Variants in INPP4B observed in about 807,000 individuals in gnomAD.
INPP4B encodes the protein inositol polyphosphate 4-phosphatase type II.
Under a neutral mutation model 122.5 loss-of-function variants are expected in INPP4B, and 55 were observed. That is an observed-to-expected ratio of 0.45 (90% CI 0.36 to 0.56). The LOEUF is 0.56. INPP4B is among the 20% of genes least tolerant of loss of function. The pLI, the probability that INPP4B is intolerant of heterozygous loss-of-function variation, is 0.00. For missense variants in INPP4B, 1,000 were observed against 1,097.7 expected (o/e 0.91, Z 1.26); for synonymous variants, 403 against 388.7 (o/e 1.04, Z -0.43).
intron 1 of INPP4B, chr4:142,767,653 G>A (rs1235750031): frequency 6.6e-6 from 1 of 152,136 alleles, no homozygotes; most frequent in African/African-American, 2.4e-5. Context: ...TTTGGCTTGG[G>A]AGAATTCTCT....
At chr4:142,494,995 T>G (rs182847276) in intron 2 of INPP4B, among the ~76,000 whole-genome samples, 101 of 152,272 alleles carry the variant, frequency 6.6e-4, no homozygotes, top group Admixed American at 2.5e-3. Flanking sequence ...TTTTGTCCAG[T>G]TTTGTAGTTT....
chr4:142,413,638 G>T (rs775299380), intron 5 of INPP4B, among the ~76,000 whole-genome samples: 1 of 152,164 alleles, frequency 6.6e-6, no homozygotes, highest in Non-Finnish European at 1.5e-5. Flanking sequence ...ATTGGCCTTA[G>T]ACCCTTTCCT....
intron 25 of INPP4B, among the ~76,000 whole-genome samples, chr4:142,044,323 TA>T (rs1750064945): frequency 6.6e-6 from 1 of 152,060 alleles, no homozygotes; most frequent in South Asian, 2.1e-4. Flanking sequence ...GGGGAATGCT[TA>T]CATTTGTATG....
At chr4:142,420,752 A>G (rs1806701281) in intron 5 of INPP4B, among the ~76,000 whole-genome samples, 1 of 152,098 alleles carries the variant, frequency 6.6e-6, no homozygotes, top group Non-Finnish European at 1.5e-5. Flanking sequence ...AGGTAATGGG[A>G]GGCAACTGTT....
At chr4:142,693,045 C>T (rs1460801316) in intron 2 of INPP4B, among the ~76,000 whole-genome samples, 1 of 151,370 alleles carries the variant, frequency 6.6e-6, no homozygotes, top group South Asian at 2.1e-4. Context: ...AAAAAGGTGC[C>T]ACATGTTCCT....
chr4:142,577,442 C>G (rs555172386), intron 2 of INPP4B, among the ~76,000 whole-genome samples: 2 of 152,126 alleles, frequency 1.3e-5, no homozygotes, highest in South Asian at 4.1e-4. Context: ...GGACAACATA[C>G]AATCACATAA....
intron 23 of INPP4B, chr4:142,095,966 C>A (rs1378098828): frequency 6.6e-6 from 1 of 152,176 alleles, no homozygotes; most frequent in Non-Finnish European, 1.5e-5. Flanking sequence ...TTAATATTAA[C>A]TTCTTTTCCC....
chr4:142,374,667 C>T (rs1017778384), intron 7 of INPP4B, among the ~76,000 whole-genome samples: 4 of 151,850 alleles, frequency 2.6e-5, no homozygotes, highest in Admixed American at 6.6e-5. Context: ...GACTAGACAA[C>T]ACTAATTTCT....
At chr4:142,118,628 T>C (rs1794985514) in intron 21 of INPP4B, among the ~76,000 whole-genome samples, 1 of 152,122 alleles carries the variant, frequency 6.6e-6, no homozygotes, top group African/African-American at 2.4e-5. Flanking sequence ...CCTTACACCT[T>C]ATACAAAAAT....
intron 7 of INPP4B, among the ~76,000 whole-genome samples, chr4:142,326,176 C>T (rs533604752): frequency 4.6e-5 from 7 of 152,274 alleles, no homozygotes; most frequent in East Asian, 3.9e-4. Flanking sequence ...CAGACCCCGT[C>T]GGTTTTCTTG....
rs202096272 is a variant in INPP4B at position 142,110,377 on chromosome 4, G to A, written c.2276+2165C>T. 1.2e-4 allele frequency among the ~76,000 whole-genome samples: 19 copies of A among 152,202 alleles called. No individual in the cohort carries two copies. In the East Asian group the frequency reaches 3.7e-3, roughly 30 times the overall value. On this transcript the variant is annotated intron_variant, in intron 22 of 25. Transcript: ENST00000262992. ...AAATTTCTGTTGTTTAAGCCACCCA[G>A]TCTACAGTATTTTGTTACAGCAGCC...
chr4:142,631,624 C>T (rs1267893243), intron 2 of INPP4B, among the ~76,000 whole-genome samples: 1 of 151,980 alleles, frequency 6.6e-6, no homozygotes, highest in Non-Finnish European at 1.5e-5. Context: ...TAAAAAAAAT[C>T]TACATCTAAA....
chr4:142,033,747 T>TTCTA (rs1252605830), intron 25 of INPP4B, among the ~76,000 whole-genome samples: 1 of 150,092 alleles, frequency 6.7e-6, no homozygotes, highest in Non-Finnish European at 1.5e-5. Context: ...CTACTGCAGC[T>TTCTA]TCTATCTCTC....
At chr4:142,342,201 G>A (rs770509311) in intron 7 of INPP4B, among the ~76,000 whole-genome samples, 3 of 152,114 alleles carry the variant, frequency 2.0e-5, no homozygotes, top group African/African-American at 4.8e-5. Context: ...TTCATGGAAA[G>A]CACTAGGAAA....
At chr4:142,328,279 T>C (rs1475873606) in intron 7 of INPP4B, among the ~76,000 whole-genome samples, 3 of 152,176 alleles carry the variant, frequency 2.0e-5, no homozygotes, top group Non-Finnish European at 4.4e-5. Flanking sequence ...TTTCATTATG[T>C]TGAGAGCTTC....
chr4:142,439,075 T>G (rs181562723), intron 3 of INPP4B, among the ~76,000 whole-genome samples: 1 of 152,266 alleles, frequency 6.6e-6, no homozygotes, highest in Admixed American at 6.5e-5. Context: ...TGTCTGAGCC[T>G]CGAGCCTCCA....
chr4:142,518,028 C>T (rs886900034), intron 2 of INPP4B, among the ~76,000 whole-genome samples: 6 of 152,126 alleles, frequency 3.9e-5, no homozygotes, highest in African/African-American at 1.2e-4. Flanking sequence ...TGTAGGAGCA[C>T]ATAACATGTA....
intron 9 of INPP4B, among the ~76,000 whole-genome samples, chr4:142,295,437 ATG>A (rs1362293242): frequency 6.6e-6 from 1 of 152,108 alleles, no homozygotes; most frequent in Non-Finnish European, 1.5e-5. Flanking sequence ...CTGCCTATGG[ATG>A]TGTGTGTTAC....
chr4:142,391,293 C>T (rs989155299), intron 7 of INPP4B, among the ~76,000 whole-genome samples: 8 of 152,188 alleles, frequency 5.3e-5, no homozygotes, highest in African/African-American at 1.7e-4. Context: ...CATGGTGGCT[C>T]ATGCCTCTAA....
Sources: allele counts gnomAD v4.1 joint callset (sites outside exome capture counted in the v4.1 genomes callset), GRCh38; gene constraint gnomAD v4.1.1; transcripts MANE v1.5; gene names NCBI Gene and HGNC (gene_info 2026-07-23, HGNC 2026-07-21).